KAZN: variants seen among roughly 807,000 people sequenced by gnomAD.
The protein encoded by KAZN is kazrin, periplakin interacting protein, also known as kazrin.
In KAZN, 40 loss-of-function variants were observed where a neutral mutation model predicts 87.4. That is an observed-to-expected ratio of 0.46 (90% CI 0.36 to 0.60). The LOEUF (loss-of-function observed/expected upper bound fraction) is 0.60, where lower values mean the gene tolerates loss of function less well. Among genes scored for constraint, KAZN ranks in the 20% least tolerant of loss-of-function variants. The probability of loss-of-function intolerance (pLI) is 0.00; values close to 1 mark genes in which losing one functional copy is unlikely to be tolerated. For synonymous variants in KAZN, 466 were observed against 458.3 expected (o/e 1.02, Z -0.22); for missense variants, 898 against 1,073.9 (o/e 0.84, Z 2.29).
intron 8 of KAZN, among the ~76,000 whole-genome samples, chr1:15,073,809 C>T (rs934630806): frequency 6.6e-6 from 1 of 152,232 alleles, no homozygotes; most frequent in Admixed American, 6.5e-5. Flanking sequence ...CTGCTGGCCT[C>T]GGTCTGGGGC....
intron 1 of KAZN, among the ~76,000 whole-genome samples, chr1:13,897,482 G>T (rs1297197894): frequency 6.6e-6 from 1 of 152,170 alleles, no homozygotes; most frequent in East Asian, 1.9e-4. Context: ...ACACTCTCAG[G>T]CTCATACATG....
chr1:14,356,103 CTT>C (rs1315983476), intron 2 of KAZN, among the ~76,000 whole-genome samples: 1 of 152,162 alleles, frequency 6.6e-6, no homozygotes, highest in African/African-American at 2.4e-5. Context: ...TGTTTCCTGA[CTT>C]TTTAATGATT....
intron 1 of KAZN, among the ~76,000 whole-genome samples, chr1:14,747,087 G>T (rs1227314313): frequency 6.6e-6 from 1 of 152,050 alleles, no homozygotes; most frequent in African/African-American, 2.4e-5. Context: ...GAATCATATA[G>T]TATCTTGTAT....
At chr1:14,380,130 C>T (rs573582888) in intron 2 of KAZN, among the ~76,000 whole-genome samples, 37 of 152,338 alleles carry the variant, frequency 2.4e-4, no homozygotes, top group African/African-American at 8.9e-4. Flanking sequence ...AAGGCAGTAC[C>T]TCTGTGAGGC....
At chr1:14,580,055 C>T (rs796504703) in intron 2 of KAZN, among the ~76,000 whole-genome samples, 9 of 152,200 alleles carry the variant, frequency 5.9e-5, no homozygotes, top group South Asian at 4.2e-4. Flanking sequence ...TACAGGAATC[C>T]GACATCTTTT....
At chr1:14,052,729 G>A (rs1642392876) in intron 1 of KAZN, among the ~76,000 whole-genome samples, 1 of 152,196 alleles carries the variant, frequency 6.6e-6, no homozygotes, top group African/African-American at 2.4e-5. Flanking sequence ...AGGTAACAAA[G>A]GAGAGAGGGA....
chr1:14,063,803 C>T (rs113689406), intron 1 of KAZN, among the ~76,000 whole-genome samples: 7,118 of 152,228 alleles, frequency 0.047, 449 homozygotes, highest in African/African-American at 0.14. Context: ...GAATAAGTCT[C>T]ATGAGATCTG....
chr1:14,133,633 G>A (rs10803457), intron 1 of KAZN, among the ~76,000 whole-genome samples: 86,690 of 151,420 alleles, frequency 0.57, 26,070 homozygotes, highest in East Asian at 0.76. Flanking sequence ...GGATGGATGC[G>A]TGGTGAAATG....
At position 15,099,159 on chromosome 1, in the gene KAZN, A is replaced by G. The variant is rs10803353; in HGVS notation, c.1548-2384A>G. Among the ~76,000 whole-genome samples the G allele has an allele frequency of 0.54, 82,526 of 151,930 alleles. 22,979 individuals are homozygous for G. Among genetic ancestry groups the G allele is most frequent in the Middle Eastern group, 0.71 (208 of 294 alleles). On this transcript the variant is annotated intron_variant, in intron 10 of 14. Transcript: ENST00000376030. The surrounding 1 kb of genome is among the most constrained non-coding windows in gnomAD (Gnocchi z 5.4). ...CCCGGAGACAAGGGGGTCCCAGTGG[A>G]CCCAAGTGGTTCTGGGAGGCTGATG...
chr1:14,363,005 A>T (rs1485567422), intron 2 of KAZN, among the ~76,000 whole-genome samples: 8 of 152,078 alleles, frequency 5.3e-5, no homozygotes, highest in Non-Finnish European at 2.9e-5. Flanking sequence ...CCCATGCTGT[A>T]TCTCACCTCA....
chr1:14,156,601 TC>T (rs1645597631), intron 1 of KAZN, among the ~76,000 whole-genome samples: 1 of 152,260 alleles, frequency 6.6e-6, no homozygotes, highest in African/African-American at 2.4e-5. Flanking sequence ...ATTCTTTGTC[TC>T]TTCTTATAGT....
At chr1:14,924,849 A>C (rs1305057169) in intron 1 of KAZN, among the ~76,000 whole-genome samples, 4 of 152,072 alleles carry the variant, frequency 2.6e-5, no homozygotes, top group Admixed American at 2.6e-4. Context: ...CTGGAGACCC[A>C]GCTCCGGGCT....
chr1:14,571,332 G>A (rs917207270), intron 2 of KAZN, among the ~76,000 whole-genome samples: 11 of 151,682 alleles, frequency 7.3e-5, no homozygotes, highest in Admixed American at 6.6e-5. Flanking sequence ...TTACACCAAA[G>A]AGAAAGAAAC....
intron 2 of KAZN, among the ~76,000 whole-genome samples, chr1:14,368,232 T>C (rs1192736969): frequency 6.6e-6 from 1 of 152,164 alleles, no homozygotes; most frequent in African/African-American, 2.4e-5. Flanking sequence ...TCAACCACCA[T>C]GTGGCATCTC....
intron 1 of KAZN, among the ~76,000 whole-genome samples, chr1:14,714,974 T>C (rs1450293733): frequency 6.6e-6 from 1 of 151,972 alleles, no homozygotes; most frequent in Non-Finnish European, 1.5e-5. Context: ...TTTTTTTTCT[T>C]TTAGTAGAGA....
At chr1:14,754,959 T>C (rs1644516402) in intron 1 of KAZN, among the ~76,000 whole-genome samples, 1 of 151,952 alleles carries the variant, frequency 6.6e-6, no homozygotes. Context: ...AAGTCTCGCA[T>C]GACCGGGCCC....
intron 1 of KAZN, among the ~76,000 whole-genome samples, chr1:14,803,280 C>T (rs957420476): frequency 1.3e-5 from 2 of 152,152 alleles, no homozygotes; most frequent in African/African-American, 2.4e-5. Flanking sequence ...TGGGGATTAG[C>T]GGAGGGGGAT....
chr1:14,141,517 C>T (rs1209320871), intron 1 of KAZN, among the ~76,000 whole-genome samples: 3 of 151,996 alleles, frequency 2.0e-5, no homozygotes, highest in Non-Finnish European at 2.9e-5. Flanking sequence ...CCTCTGGTCT[C>T]TGTGGTGATG....
intron 1 of KAZN, among the ~76,000 whole-genome samples, chr1:14,851,663 G>A (rs948619838): frequency 3.5e-4 from 54 of 152,344 alleles, no homozygotes; most frequent in Admixed American, 1.2e-3. Context: ...CCACCTGGGC[G>A]TTGACTTATC....
Sources: allele counts gnomAD v4.1 joint callset (sites outside exome capture counted in the v4.1 genomes callset), GRCh38; gene constraint gnomAD v4.1.1; non-coding constraint Gnocchi (gnomAD v3.1); transcripts MANE v1.5; gene names NCBI Gene and HGNC (gene_info 2026-07-23, HGNC 2026-07-21).